The following ZNF429 variants were observed in gnomAD, a reference collection of about 807,000 sequenced individuals.
ZNF429 encodes zinc finger protein 429.
ZNF429 carries 53 observed loss-of-function variants against 56.8 expected under a neutral mutation model. The observed-to-expected ratio is 0.93, with a 90% CI of 0.75 to 1.17. The LOEUF (loss-of-function observed/expected upper bound fraction) is 1.17. Among genes scored for constraint, ZNF429 ranks in the 50% most tolerant of loss-of-function variants. The pLI is 0.00. For missense variants in ZNF429, 849 were observed against 788.4 expected (o/e 1.08, Z -0.92); for synonymous variants, 278 against 264.7 (o/e 1.05, Z -0.49).
At chr19:21,510,416 G>A (rs1022541521) in intron 1 of ZNF429, among the ~76,000 whole-genome samples, 6 of 152,124 alleles carry the variant, frequency 3.9e-5, no homozygotes, top group Admixed American at 6.5e-5. Flanking sequence ...CAGGCTCCAA[G>A]ATAGGGTTCT....
chr19:21,506,004 G>A lies in ZNF429; in HGVS notation c.3+230G>A, dbSNP rs913116916. 3.3e-5 allele frequency: 14 copies of A among 422,140 alleles called. No individual in the cohort carries two copies. In the Admixed American group the frequency reaches 4.9e-4, roughly 15 times the overall value. 26.1% of individuals were successfully genotyped at this position (422,140 alleles called of 1,614,324 possible). On this transcript the variant is annotated intron_variant, in intron 1 of 3. Coordinates refer to ENST00000358491, the MANE Select transcript of ZNF429 (RefSeq NM_001001415.4). ...CCGCAGTGACTGTGCCTGACGTGTA[G>A]CCCTGTCTGGGGAGCTCTGCACGCG...
chr19:21,522,786 A>G lies in ZNF429; in HGVS notation c.4-6872A>G, dbSNP rs551501956. Among the ~76,000 whole-genome samples, 16 of 152,190 alleles carry G rather than the reference A, an allele frequency of 1.1e-4. No homozygotes were observed. The East Asian group carries it at 3.1e-3, about 29-fold the overall frequency. On this transcript the variant is annotated intron_variant, in intron 1 of 3. Transcript: ENST00000358491. ...ATGGCAGGTGCCTGCAATCCCAGCT[A>G]CTTGGAGGCCGAGACAGGAGAATTG...
intron 2 of ZNF429, 64 bp from the exon 3 acceptor site, chr19:21,530,525 C>A: frequency 8.6e-7 from 1 of 1,160,354 alleles, no homozygotes; most frequent in Non-Finnish European, 1.2e-6. Flanking sequence ...TTACTGAGCA[C>A]ATTACTAAAT....
rs2033889710 is a variant in ZNF429, at chr19:21,540,639, G to A, written c.*2561G>A. 1.3e-5 allele frequency among the ~76,000 whole-genome samples: 2 copies of A among 151,484 alleles called. No individual in the cohort carries two copies. Among genetic ancestry groups the A allele is most frequent in the Admixed American group, 6.6e-5 (1 of 15,156 alleles). The stretch of plus-strand genomic sequence containing the variant: ...TTGTGGTATAAAAATTTATATATAA[G>A]TATAAATAAACTCATTTCTGAGTCT... On this transcript the variant is annotated 3_prime_UTR_variant, in exon 4 of 4. Coordinates refer to ENST00000358491, the MANE Select transcript of ZNF429 (RefSeq NM_001001415.4).
Position 21,529,641 on chromosome 19 carries a change from G to T in ZNF429, c.4-17G>T. 1.3e-6 allele frequency: 2 copies of T among 1,487,310 alleles called. No individual in the cohort carries two copies. Among genetic ancestry groups the T allele is most frequent in the African/African-American group, 1.4e-5 (1 of 70,806 alleles). The allele number at this position is 1,487,310 out of a possible 1,614,324, so 92.1% of individuals were successfully genotyped here. ...TCTCTCTTTCTCTCTCCTTCTGTTG[G>T]TGTGTGTGTGTTTCAGGGACCATTG... On this transcript the variant is annotated splice_polypyrimidine_tract_variant and intron_variant, in intron 1 of 3. Coordinates refer to ENST00000358491, the MANE Select transcript of ZNF429 (RefSeq NM_001001415.4).
At chr19:21,513,643 A>G (rs576768964) in intron 1 of ZNF429, among the ~76,000 whole-genome samples, 2 of 152,302 alleles carry the variant, frequency 1.3e-5, no homozygotes, top group South Asian at 4.1e-4. Context: ...GCCAGAAGAA[A>G]GATATCACAG....
intron 1 of ZNF429, among the ~76,000 whole-genome samples, chr19:21,525,091 T>C (rs912805612): frequency 1.1e-4 from 16 of 152,188 alleles, no homozygotes; most frequent in African/African-American, 3.4e-4. Context: ...GTACAATGAA[T>C]ACGTGTGTGC....
At chr19:21,516,841 C>A (rs2032764737) in intron 1 of ZNF429, among the ~76,000 whole-genome samples, 1 of 152,108 alleles carries the variant, frequency 6.6e-6, no homozygotes, top group Admixed American at 6.6e-5. Flanking sequence ...AGAGCTTTTG[C>A]ACCAAGACTA....
intron 1 of ZNF429, among the ~76,000 whole-genome samples, chr19:21,515,965 A>G (rs1202176141): frequency 6.6e-6 from 1 of 152,162 alleles, no homozygotes; most frequent in Non-Finnish European, 1.5e-5. Context: ...TACCAGTACC[A>G]TGCTGCTTTG....
At chr19:21,526,149 A>G (rs2033164860) in intron 1 of ZNF429, among the ~76,000 whole-genome samples, 1 of 151,320 alleles carries the variant, frequency 6.6e-6, no homozygotes, top group African/African-American at 2.4e-5. Context: ...AGCTACTTTA[A>G]TCTGTTATGA....
rs1269728354 is a variant in ZNF429, at chr19:21,539,041, TAATA to T, written c.*967_*970del. On this transcript the variant is annotated 3_prime_UTR_variant, in exon 4 of 4. Coordinates refer to ENST00000358491, the MANE Select transcript of ZNF429 (RefSeq NM_001001415.4). ...ATATTGGAGAAAAATCCAGCAAGTG[TAATA>T]AATTTGGAAAAACTTTTTTTTCCCC... 1.3e-5 allele frequency among the ~76,000 whole-genome samples: 2 copies of T among 152,180 alleles called. No homozygotes were observed. The highest frequency in any genetic ancestry group is 2.9e-5 in the Non-Finnish European group (2 of 68,028).
At position 21,537,668 on chromosome 19, in the gene ZNF429, T is replaced by A. The variant is rs777507211; in HGVS notation, c.1615T>A (p.Cys539Ser). ...TCATACTGGAGAGAAACCTTACAAA[T>A]GTGAAGAATGTGGCAAAGCTTTTAA... ...KIHTGEKPYK[C>S]EECGKAFNRS... Residue 539 changes from cysteine to serine, a missense_variant, in exon 4 of 4, where the codon TGT becomes AGT. Physicochemically the swap from Cys to Ser is moderately radical, Grantham distance 112. Transcript: ENST00000358491. 4 of 1,613,600 alleles carry A rather than the reference T, an allele frequency of 2.5e-6. No homozygotes were observed. The South Asian group carries it at 4.4e-5, about 18-fold the overall frequency.
In ZNF429 at chr19:21,508,294, G is replaced by C. The variant is rs570506781; in HGVS notation, c.3+2520G>C. Reference sequence around the variant, plus strand: ...AAAAGACAAAAGAAACCCTGACCCCGGTGAGATGAGGCGAGAAATTGCAAA... The same window carrying C: ...AAAAGACAAAAGAAACCCTGACCCCCGTGAGATGAGGCGAGAAATTGCAAA... On this transcript the variant is annotated intron_variant, in intron 1 of 3. Coordinates refer to ENST00000358491, the MANE Select transcript of ZNF429 (RefSeq NM_001001415.4). Among the ~76,000 whole-genome samples, 5 of 151,714 alleles carry C rather than the reference G, an allele frequency of 3.3e-5. No individual in the cohort carries two copies. The East Asian group carries it at 9.7e-4, about 29-fold the overall frequency.
At chr19:21,519,755 AAC>A (rs988014542) in intron 1 of ZNF429, among the ~76,000 whole-genome samples, 2 of 152,102 alleles carry the variant, frequency 1.3e-5, no homozygotes, top group Admixed American at 1.3e-4. Context: ...TAATTCCCAC[AAC>A]ACAGTGATCT....
chr19:21,513,487 CT>C (rs1313125190), intron 1 of ZNF429, among the ~76,000 whole-genome samples: 8 of 152,136 alleles, frequency 5.3e-5, no homozygotes, highest in Non-Finnish European at 1.5e-5. Flanking sequence ...GGGTTTGTGA[CT>C]GGCATCTCCA....
rs375806784 is a variant in ZNF429, at chr19:21,536,517, A to G, written c.464A>G (p.Tyr155Cys). The G allele has an allele frequency of 2.7e-5, 43 of 1,612,662 alleles. No homozygotes were observed. Among genetic ancestry groups the G allele is most frequent in the Non-Finnish European group, 3.2e-5 (38 of 1,179,500 alleles). The change falls in exon 4 of 4, where the codon TAT becomes TGT. Residue 155 changes from tyrosine (Y) to cysteine (C), a missense_variant. Physicochemically the swap from Tyr to Cys is radical, Grantham distance 194. Coordinates refer to ENST00000358491, the MANE Select transcript of ZNF429 (RefSeq NM_001001415.4). The stretch of plus-strand genomic sequence containing the variant: ...TGTGATATATATGTAAAAGTCTTTT[A>G]TGCATTTTCAAATGCAGATAGATAC... ...YHCDIYVKVF[Y>C]AFSNADRYKT... is the part of the protein sequence containing the mutation.
chr19:21,535,494 TTC>T lies in ZNF429; in HGVS notation c.227-784_227-783del. On this transcript the variant is annotated intron_variant, in intron 3 of 3. Coordinates refer to ENST00000358491, the MANE Select transcript of ZNF429 (RefSeq NM_001001415.4). ...TTTCTTTCTTTCTTTCTTTCTTTCT[TTC>T]TTCTTTCTTTCTTTCTTTCCTTCTT... Among the ~76,000 whole-genome samples the T allele has an allele frequency of 7.3e-4, 99 of 134,774 alleles. 10 individuals carry two copies. Among genetic ancestry groups the T allele is most frequent in the African/African-American group, 2.7e-3 (92 of 33,844 alleles). The allele number at this position is 134,774 out of a possible 152,430, so 88.4% of individuals were successfully genotyped here.
At chr19:21,531,122 A>AAC in intron 3 of ZNF429, among the ~76,000 whole-genome samples, 62 of 20,240 alleles carry the variant, frequency 3.1e-3, no homozygotes, top group South Asian at 5.5e-3. Flanking sequence ...AAAAAAAAAA[A>AAC]AAAAAAACCA....
chr19:21,506,340 C>A (rs2032146996), intron 1 of ZNF429, among the ~76,000 whole-genome samples: 1 of 151,598 alleles, frequency 6.6e-6, no homozygotes, highest in Non-Finnish European at 1.5e-5. Flanking sequence ...CATCTGTAAT[C>A]CCAGCTATGT....
Sources: gnomAD v4.1 joint callset for allele counts (sites outside exome capture counted in the v4.1 genomes callset) on GRCh38, gnomAD v4.1.1 for gene constraint, MANE v1.5 for transcripts, NCBI Gene and HGNC (gene_info 2026-07-23, HGNC 2026-07-21) for gene names.